MEMO1: variants seen among roughly 807,000 people sequenced by gnomAD.
MEMO1 encodes the protein protein MEMO1.
MEMO1 carries 6 observed loss-of-function variants against 45.2 expected under a neutral mutation model. The ratio of observed to expected loss-of-function variants is 0.13; its 90% CI spans 0.07 to 0.26. The LOEUF (loss-of-function observed/expected upper bound fraction) is 0.26, where lower values mean the gene tolerates loss of function less well. MEMO1 is among the 10% of genes least tolerant of loss of function. MEMO1 has a pLI of 1.00. For synonymous variants in MEMO1, 78 were observed against 124.3 expected (o/e 0.63, Z 2.48); for missense variants, 184 against 370.5 (o/e 0.50, Z 4.13).
At chr2:31,883,325 A>T in intron 8 of MEMO1, 61 bp downstream of exon 8, 1 of 1,121,158 alleles carries the variant, frequency 8.9e-7, no homozygotes, top group Non-Finnish European at 1.3e-6. Flanking sequence ...GTCTTGAATT[A>T]CTAATCTGAA....
chr2:31,946,555 G>C, intron 2 of MEMO1, among the ~76,000 whole-genome samples: 1 of 152,250 alleles, frequency 6.6e-6, no homozygotes, highest in East Asian at 1.9e-4. Flanking sequence ...ATATTCCATA[G>C]TGATCCAATA....
intron 2 of MEMO1, among the ~76,000 whole-genome samples, chr2:32,000,668 A>T (rs1043733269): frequency 1.3e-5 from 2 of 152,180 alleles, no homozygotes; most frequent in African/African-American, 4.8e-5. Flanking sequence ...ACCTGGCCGA[A>T]GTCTTCCCTT....
At chr2:31,912,335 C>T (rs906882452) in intron 6 of MEMO1, among the ~76,000 whole-genome samples, 23 of 151,112 alleles carry the variant, frequency 1.5e-4, no homozygotes, top group African/African-American at 5.1e-4. Flanking sequence ...AGCAAGACTC[C>T]GCCTCAAGAA....
Position 31,915,512 on chromosome 2 carries a change from A to G in MEMO1, c.437+2414T>C, listed in dbSNP as rs574739241. 3.3e-5 allele frequency among the ~76,000 whole-genome samples: 5 copies of G among 152,146 alleles called. No individual in the cohort carries two copies. The South Asian group carries it at 1.0e-3, about 32-fold the overall frequency. On this transcript the variant is annotated intron_variant, in intron 6 of 9. Transcript: ENST00000404530. ...TATGTAGTTTCCAGCCTAGGACATA[A>G]TAGGCCTAGAAACTTCTGGTTTTAC... is the stretch of plus-strand genomic sequence containing the variant.
At chr2:31,999,281 T>A (rs1022708837) in intron 2 of MEMO1, among the ~76,000 whole-genome samples, 5 of 152,110 alleles carry the variant, frequency 3.3e-5, no homozygotes, top group African/African-American at 1.2e-4. Flanking sequence ...ACTACTCTCA[T>A]CACAGCAGCC....
intron 2 of MEMO1, among the ~76,000 whole-genome samples, chr2:32,004,081 T>C (rs1271253124): frequency 2.0e-5 from 3 of 152,158 alleles, no homozygotes; most frequent in Non-Finnish European, 2.9e-5. Context: ...CTCAGGAAGC[T>C]GAGGCAGGGG....
chr2:31,957,274 CA>C (rs1667519308), intron 2 of MEMO1, among the ~76,000 whole-genome samples: 1 of 151,878 alleles, frequency 6.6e-6, no homozygotes, highest in Non-Finnish European at 1.5e-5. Flanking sequence ...TATTATCTAT[CA>C]AAAAATTAAG....
chr2:31,923,716 C>T, intron 4 of MEMO1: 1 of 1,545,100 alleles, frequency 6.5e-7, no homozygotes, highest in South Asian at 1.2e-5. Context: ...TATTTAACAT[C>T]AGAGCACTCC....
chr2:31,869,990 AAG>A (rs768357038), intron 8 of MEMO1, 38 bp from the exon 9 acceptor site: 2 of 1,381,280 alleles, frequency 1.4e-6, no homozygotes, highest in Non-Finnish European at 1.9e-6. Context: ...AAAAAAATAA[AAG>A]AAGAAGACAA....
chr2:31,903,237 G>T (rs954070149), intron 6 of MEMO1, among the ~76,000 whole-genome samples: 4 of 152,088 alleles, frequency 2.6e-5, no homozygotes, highest in Non-Finnish European at 4.4e-5. Context: ...AATGAGTCTA[G>T]AAGCAGTCCC....
At position 31,878,612 on chromosome 2, in the gene MEMO1, C is replaced by T. The variant is rs569020616; in HGVS notation, c.657+4774G>A. 3.3e-5 allele frequency among the ~76,000 whole-genome samples: 5 copies of T among 152,104 alleles called. No homozygotes were observed. In the South Asian group the frequency reaches 1.0e-3, roughly 32 times the overall value. On this transcript the variant is annotated intron_variant, in intron 8 of 9. Coordinates refer to ENST00000404530, the MANE Select transcript of MEMO1 (RefSeq NM_001301833.4). ...AAGACATCCAAGTGGAAATTATGTA[C>T]GGTGTTTGAGCACGTGCTTCTGGCA...
At chr2:31,973,824 G>A (rs146036813) in intron 2 of MEMO1, among the ~76,000 whole-genome samples, 16 of 152,272 alleles carry the variant, frequency 1.1e-4, no homozygotes, top group African/African-American at 3.9e-4. Context: ...GGAGGAAAAG[G>A]AGAGTGACTG....
At chr2:31,919,932 A>G (rs904723461) in intron 5 of MEMO1, among the ~76,000 whole-genome samples, 2 of 138,084 alleles carry the variant, frequency 1.4e-5, no homozygotes. Context: ...ATACATGCAC[A>G]TGCACACACA....
chr2:31,926,707 C>T (rs1010362837), intron 4 of MEMO1, among the ~76,000 whole-genome samples: 4 of 151,808 alleles, frequency 2.6e-5, no homozygotes, highest in African/African-American at 7.3e-5. Context: ...ATTAGCAGGG[C>T]GTGGTGGCAT....
At chr2:31,969,586 GGTGTGTGTGTGTGTGTGTGTGTGTGTGT>G (rs367639470) in intron 2 of MEMO1, among the ~76,000 whole-genome samples, 10 of 119,228 alleles carry the variant, frequency 8.4e-5, no homozygotes, top group Admixed American at 5.1e-4. Context: ...TGTGTGTGTG[GGTGTGTGTGTGTGTGTGTGTGTGTGTGT>G]GTGTGTGTGT....
chr2:31,891,957 ACATCT>A lies in MEMO1; in HGVS notation c.580+30_580+34del, dbSNP rs1259346986. ...AGATACCTTTAACCAGAAGTATATA[ACATCT>A]ACCATGATATGTTAAAATCTAGAAC... On this transcript the variant is annotated intron_variant, in intron 7 of 9. Coordinates refer to ENST00000404530, the MANE Select transcript of MEMO1 (RefSeq NM_001301833.4). 2.5e-6 allele frequency: 4 copies of A among 1,584,088 alleles called. No individual in the cohort carries two copies. The Admixed American group carries it at 7.1e-5, about 28-fold the overall frequency.
intron 2 of MEMO1, among the ~76,000 whole-genome samples, chr2:31,990,774 C>T (rs544056135): frequency 1.3e-5 from 2 of 151,798 alleles, no homozygotes; most frequent in East Asian, 1.9e-4. Flanking sequence ...TATACATAAC[C>T]CACATAAATA....
In MEMO1 at chr2:31,891,558, A is replaced by G. The variant is rs546408989; in HGVS notation, c.580+434T>C. 1.1e-3 allele frequency among the ~76,000 whole-genome samples: 152 copies of G among 139,472 alleles called. 1 individual carries two copies. The East Asian group carries it at 0.013, about 12-fold the overall frequency. 91.5% of individuals were successfully genotyped at this position (139,472 alleles called of 152,430 possible). A position where few individuals can be genotyped will look rare whatever the true frequency, so the allele number is the denominator to read the frequency against. ...GAGTAAAAACTAAGCACCAAAGGGGAAAAAAAAAAAAGACTAATTACAAAA... is the reference window on the plus strand; with the variant it reads ...GAGTAAAAACTAAGCACCAAAGGGGGAAAAAAAAAAAGACTAATTACAAAA... On this transcript the variant is annotated intron_variant, in intron 7 of 9. Coordinates refer to ENST00000404530, the MANE Select transcript of MEMO1 (RefSeq NM_001301833.4).
At chr2:31,953,058 A>G (rs1667010540) in intron 2 of MEMO1, among the ~76,000 whole-genome samples, 1 of 152,166 alleles carries the variant, frequency 6.6e-6, no homozygotes, top group African/African-American at 2.4e-5. Context: ...CTATACTTAT[A>G]AAGCTTTTTC....
Sources: allele counts gnomAD v4.1 joint callset (sites outside exome capture counted in the v4.1 genomes callset), GRCh38; gene constraint gnomAD v4.1.1; transcripts MANE v1.5; gene names NCBI Gene and HGNC (gene_info 2026-07-23, HGNC 2026-07-21).